ABHD12: variants seen among roughly 807,000 people sequenced by gnomAD.
ABHD12 encodes lysophosphatidylserine lipase ABHD12.
Under a neutral mutation model 58.3 loss-of-function variants are expected in ABHD12, and 43 were observed. That is an observed-to-expected ratio of 0.74 (90% CI 0.58 to 0.95). The LOEUF (loss-of-function observed/expected upper bound fraction) is 0.95. Ranked by LOEUF, ABHD12 falls within the 40% of genes least tolerant of loss-of-function variation. The pLI is 0.00. For synonymous variants in ABHD12, 219 were observed against 211.2 expected, an observed-to-expected ratio of 1.04 and a Z score of -0.32; for missense variants, 539 against 537.2, an observed-to-expected ratio of 1.00 and a Z score of -0.03.
At chr20:25,353,059 TAGC>T (rs2089622109) in intron 1 of ABHD12, among the ~76,000 whole-genome samples, 1 of 152,194 alleles carries the variant, frequency 6.6e-6, no homozygotes, top group South Asian at 2.1e-4. Context: ...GATTTTAAAT[TAGC>T]AGCTCTATCG....
At chr20:25,371,154 A>C (rs904399340) in intron 1 of ABHD12, among the ~76,000 whole-genome samples, 3 of 152,162 alleles carry the variant, frequency 2.0e-5, no homozygotes, top group Middle Eastern at 3.2e-3. Context: ...TAAAGGAGAG[A>C]CCACAGACTG....
At chr20:25,346,528 T>C (rs959342018) in intron 1 of ABHD12, among the ~76,000 whole-genome samples, 4 of 152,196 alleles carry the variant, frequency 2.6e-5, no homozygotes, top group Non-Finnish European at 4.4e-5. Flanking sequence ...GCCATTGCAG[T>C]GCAGGATGTG....
intron 1 of ABHD12, among the ~76,000 whole-genome samples, chr20:25,370,036 G>A (rs940530748): frequency 1.3e-5 from 2 of 151,740 alleles, no homozygotes; most frequent in African/African-American, 4.8e-5. Flanking sequence ...GGAAAGACTG[G>A]GCTTCCAGGT....
intron 1 of ABHD12, among the ~76,000 whole-genome samples, chr20:25,380,621 G>A (rs1035304782): frequency 1.3e-5 from 2 of 151,974 alleles, no homozygotes; most frequent in Non-Finnish European, 2.9e-5. Context: ...TACTGATCTC[G>A]TGTCACCAAA....
At position 25,359,100 on chromosome 20, in the gene ABHD12, T is replaced by TAA. The variant is rs367930738; in HGVS notation, c.192-19751_192-19750dup. On this transcript the variant is annotated intron_variant, in intron 1 of 12. Coordinates refer to ENST00000339157, the MANE Select transcript of ABHD12 (RefSeq NM_001042472.3). ...GCATGCATTAATGATGCCTCCTTTG[T>TAA]AAAAAAAAAAAAAAAAAAATTGCAT... is the stretch of plus-strand genomic sequence containing the variant. 1.2e-3 allele frequency among the ~76,000 whole-genome samples: 152 copies of TAA among 128,668 alleles called. 1 individual carries two copies. The highest frequency in any genetic ancestry group is 7.7e-3 in the Middle Eastern group (2 of 260). 84.4% of individuals were successfully genotyped at this position (128,668 alleles called of 152,430 possible). A position where few individuals can be genotyped will look rare whatever the true frequency, so the allele number is the denominator to read the frequency against.
rs1237625893 is a variant in ABHD12 at position 25,309,694 on chromosome 20, C to G, written c.620-119G>C. 6 of 1,478,220 alleles carry G rather than the reference C, an allele frequency of 4.1e-6. 1 individual carries two copies. In the South Asian group the frequency reaches 7.4e-5, roughly 18 times the overall value. 91.6% of individuals were successfully genotyped at this position (1,478,220 alleles called of 1,614,324 possible). On this transcript the variant is annotated intron_variant, in intron 6 of 12. Transcript: ENST00000339157. ...GACAGGGAGGGGCCCGCTTGGCCCA[C>G]CCTTCCAGAGTCCACAGACCCACCC...
At chr20:25,302,393 G>A in intron 11 of ABHD12, 47 bp from the exon 12 acceptor site, 1 of 1,609,572 alleles carries the variant, frequency 6.2e-7, no homozygotes. Flanking sequence ...TGGCATGGGG[G>A]TCCCAGCCTG....
At chr20:25,296,716 G>GT, downstream of ABHD12, 1 of 746,716 alleles carries the variant, frequency 1.3e-6, no homozygotes, top group Non-Finnish European at 2.1e-6. Context: ...AGTGCTCCTA[G>GT]TTTCTTGTAA....
intron 1 of ABHD12, among the ~76,000 whole-genome samples, chr20:25,389,745 G>C (rs1290855990): frequency 2.0e-5 from 3 of 152,204 alleles, no homozygotes; most frequent in African/African-American, 7.2e-5. Context: ...TTCCCAAGGA[G>C]GCGAACTTGT....
intron 3 of ABHD12, among the ~76,000 whole-genome samples, chr20:25,320,825 T>C (rs1039829609): frequency 8.2e-5 from 9 of 110,320 alleles, no homozygotes; most frequent in African/African-American, 3.1e-4. Flanking sequence ...ACGCCATTTC[T>C]AATGTCAAGT....
intron 1 of ABHD12, among the ~76,000 whole-genome samples, chr20:25,365,193 A>G (rs1306319433): frequency 2.6e-5 from 4 of 152,246 alleles, no homozygotes; most frequent in East Asian, 3.8e-4. Flanking sequence ...ATGTTTACAT[A>G]GTTCAAAAAT....
intron 1 of ABHD12, 141 bp from the exon 2 acceptor site, chr20:25,339,492 C>T (rs1395936274): frequency 1.4e-6 from 2 of 1,412,458 alleles, no homozygotes; most frequent in Non-Finnish European, 2.0e-6. Context: ...ATAAAAGTAG[C>T]CTCCCACCTG....
intron 1 of ABHD12, among the ~76,000 whole-genome samples, chr20:25,355,111 C>T (rs2089649950): frequency 6.6e-6 from 1 of 152,172 alleles, no homozygotes; most frequent in South Asian, 2.1e-4. Context: ...GCAGCACATT[C>T]CTGCTAAGCT....
intron 1 of ABHD12, among the ~76,000 whole-genome samples, chr20:25,361,236 T>G (rs1600852646): frequency 6.6e-6 from 1 of 152,288 alleles, no homozygotes; most frequent in East Asian, 1.9e-4. Context: ...GGAAGCTGAG[T>G]CTGACCAATC....
chr20:25,318,433 T>C (rs764389600), intron 4 of ABHD12, among the ~76,000 whole-genome samples: 2 of 152,184 alleles, frequency 1.3e-5, no homozygotes, highest in Non-Finnish European at 2.9e-5. Context: ...ATTTCCTACA[T>C]TAAGCAAAAA....
At chr20:25,369,071 T>C (rs902314045) in intron 1 of ABHD12, among the ~76,000 whole-genome samples, 1 of 151,978 alleles carries the variant, frequency 6.6e-6, no homozygotes, top group Non-Finnish European at 1.5e-5. Flanking sequence ...TAAGCCATGA[T>C]TGCACCACTG....
chr20:25,348,446 T>TAAC (rs1491448475), intron 1 of ABHD12, among the ~76,000 whole-genome samples: 1 of 124,278 alleles, frequency 8.0e-6, no homozygotes, highest in Non-Finnish European at 1.7e-5. Flanking sequence ...AACCATTTGG[T>TAAC]AAAAAAAAAA....
At chr20:25,352,682 G>A (rs1280311933) in intron 1 of ABHD12, among the ~76,000 whole-genome samples, 2 of 152,144 alleles carry the variant, frequency 1.3e-5, no homozygotes, top group African/African-American at 4.8e-5. Context: ...CAGTGTTCTT[G>A]AAAAGCGTAT....
chr20:25,339,175 T>C (rs2146035091), intron 2 of ABHD12, 52 bp downstream of exon 2: 1 of 1,609,864 alleles, frequency 6.2e-7, no homozygotes, highest in Non-Finnish European at 8.5e-7. Context: ...GACATCACCA[T>C]GAAAATGAAC....
Sources: allele counts gnomAD v4.1 joint callset (sites outside exome capture counted in the v4.1 genomes callset), GRCh38; gene constraint gnomAD v4.1.1; transcripts MANE v1.5; gene names NCBI Gene and HGNC (gene_info 2026-07-23, HGNC 2026-07-21).